Variants in CAMTA1 observed in about 807,000 individuals in gnomAD.
CAMTA1 encodes calmodulin-binding transcription activator 1.
A neutral mutation model predicts 170.9 loss-of-function variants in CAMTA1; 27 were observed. The ratio of observed to expected loss-of-function variants is 0.16; its 90% CI spans 0.12 to 0.22. CAMTA1 has a LOEUF of 0.22. Among genes scored for constraint, CAMTA1 ranks in the 10% least tolerant of loss-of-function variants. The pLI, the probability that CAMTA1 is intolerant of heterozygous loss-of-function variation, is 1.00. For synonymous variants in CAMTA1, 833 were observed against 891.5 expected (o/e 0.93, Z 1.17); for missense variants, 1,619 against 2,217.2 (o/e 0.73, Z 5.42).
chr1:7,480,314 A>AGT (rs1356534835), intron 6 of CAMTA1, among the ~76,000 whole-genome samples: 1 of 27,582 alleles, frequency 3.6e-5, no homozygotes, highest in Non-Finnish European at 6.8e-5. Flanking sequence ...TGCATTTGTA[A>AGT]GTGTGTGTGT....
At chr1:6,921,356 C>A (rs1681966246) in intron 3 of CAMTA1, among the ~76,000 whole-genome samples, 1 of 152,346 alleles carries the variant, frequency 6.6e-6, no homozygotes, top group Admixed American at 6.5e-5. Flanking sequence ...ACCACCTCAA[C>A]CTGGACCTTA....
At chr1:7,051,273 G>C (rs909820319) in intron 3 of CAMTA1, among the ~76,000 whole-genome samples, 1 of 152,188 alleles carries the variant, frequency 6.6e-6, no homozygotes, top group African/African-American at 2.4e-5. Context: ...AGCTGTTTGG[G>C]AGATGGCCAC....
rs60946478 is a variant in CAMTA1 at position 7,480,108 on chromosome 1, C to CGTGTGT, written c.510+12217_510+12222dup. On this transcript the variant is annotated intron_variant, in intron 6 of 22. Transcript: ENST00000303635. ...CCGTGTGTGTGCCTGTGTGTGAGAG[C>CGTGTGT]GTGTGTGTGTGTGTGAGTATGTGTG... 7.6e-3 allele frequency among the ~76,000 whole-genome samples: 1,110 copies of CGTGTGT among 145,300 alleles called. 14 individuals are homozygous for CGTGTGT. Among genetic ancestry groups the CGTGTGT allele is most frequent in the African/African-American group, 0.027 (1,066 of 39,388 alleles).
chr1:7,344,189 G>A (rs915174299), intron 5 of CAMTA1, among the ~76,000 whole-genome samples: 3 of 152,224 alleles, frequency 2.0e-5, no homozygotes, highest in Non-Finnish European at 2.9e-5. Context: ...CCTTGGAGCC[G>A]GCCTGAAGGG....
intron 4 of CAMTA1, chr1:7,219,623 A>G (rs1047802667): frequency 1.4e-5 from 2 of 148,118 alleles, no homozygotes; most frequent in African/African-American, 5.0e-5. Flanking sequence ...TCCAGAATCC[A>G]TGTGCTGAAG....
At chr1:7,165,539 C>G (rs1404373287) in intron 4 of CAMTA1, among the ~76,000 whole-genome samples, 1 of 152,108 alleles carries the variant, frequency 6.6e-6, no homozygotes, top group Non-Finnish European at 1.5e-5. Context: ...TCAAGCAATT[C>G]TCCTGTCTCA....
intron 4 of CAMTA1, among the ~76,000 whole-genome samples, chr1:7,135,326 T>A (rs1223946469): frequency 6.6e-6 from 1 of 152,164 alleles, no homozygotes; most frequent in Non-Finnish European, 1.5e-5. Context: ...AGGCAGAGGT[T>A]GCAGTGAGTT....
At chr1:7,627,277 A>C (rs1221761072) in intron 6 of CAMTA1, among the ~76,000 whole-genome samples, 1 of 152,212 alleles carries the variant, frequency 6.6e-6, no homozygotes, top group Non-Finnish European at 1.5e-5. Context: ...TTTGAAAAGA[A>C]TTTAACTTTA....
At chr1:7,272,547 G>A (rs893355980) in intron 5 of CAMTA1, among the ~76,000 whole-genome samples, 1 of 151,806 alleles carries the variant, frequency 6.6e-6, no homozygotes, top group Non-Finnish European at 1.5e-5. Context: ...AAGAATAGAC[G>A]TATAAATCAA....
At chr1:7,360,875 G>T (rs1468051375) in intron 5 of CAMTA1, among the ~76,000 whole-genome samples, 2 of 152,230 alleles carry the variant, frequency 1.3e-5, no homozygotes, top group African/African-American at 4.8e-5. Context: ...CACAGCAGCT[G>T]GGATGAAGGG....
intron 21 of CAMTA1, among the ~76,000 whole-genome samples, chr1:7,754,899 A>C (rs2096920824): frequency 6.6e-6 from 1 of 152,174 alleles, no homozygotes; most frequent in Non-Finnish European, 1.5e-5. Context: ...TCTATCCTGG[A>C]AGTTTGTTTT....
At chr1:7,203,725 A>G (rs535497125) in intron 4 of CAMTA1, among the ~76,000 whole-genome samples, 1 of 150,234 alleles carries the variant, frequency 6.7e-6, no homozygotes, top group East Asian at 1.9e-4. Flanking sequence ...TTTTGCCTCT[A>G]GTTATTTGAG....
chr1:7,520,479 G>A (rs894510635), intron 6 of CAMTA1, among the ~76,000 whole-genome samples: 6 of 151,050 alleles, frequency 4.0e-5, no homozygotes, highest in South Asian at 2.1e-4. Context: ...AGTCTCAGGC[G>A]CCCATCCATC....
intron 3 of CAMTA1, among the ~76,000 whole-genome samples, chr1:6,929,177 TGTTTC>T (rs1196763704): frequency 3.3e-5 from 5 of 152,192 alleles, no homozygotes; most frequent in African/African-American, 1.2e-4. Flanking sequence ...CTTTTTGTTT[TGTTTC>T]GTTTCGTTTC....
At chr1:6,941,118 G>C (rs531902677) in intron 3 of CAMTA1, among the ~76,000 whole-genome samples, 1 of 152,040 alleles carries the variant, frequency 6.6e-6, no homozygotes, top group East Asian at 1.9e-4. Context: ...ACTGAGGTTC[G>C]CCGACTTCCA....
chr1:7,422,091 G>T (rs1369988174), intron 5 of CAMTA1, among the ~76,000 whole-genome samples: 1 of 152,106 alleles, frequency 6.6e-6, no homozygotes, highest in Non-Finnish European at 1.5e-5. Flanking sequence ...AGAACATAAA[G>T]CAGGGCTGAC....
rs1672333519 is a variant in CAMTA1, at chr1:7,286,268, G to A, written c.438+36642G>A. Among the ~76,000 whole-genome samples, 1 of 152,194 alleles carries A rather than the reference G, an allele frequency of 6.6e-6. No homozygotes were observed. Among genetic ancestry groups the A allele is most frequent in the East Asian group, 1.9e-4 (1 of 5,186 alleles). On this transcript the variant is annotated intron_variant, in intron 5 of 22. Coordinates refer to ENST00000303635, the MANE Select transcript of CAMTA1 (RefSeq NM_015215.4). The surrounding 1 kb of genome is among the most constrained non-coding windows in gnomAD (Gnocchi z 4.2). ...GAGATGGGCATCTGGTGGAGTTGAT[G>A]GCACAGGTGGAGGGGCGGAGGCGCC...
At chr1:7,338,291 A>T (rs1188933396) in intron 5 of CAMTA1, among the ~76,000 whole-genome samples, 1 of 152,124 alleles carries the variant, frequency 6.6e-6, no homozygotes, top group Admixed American at 6.5e-5. Flanking sequence ...CACCAATGAC[A>T]ATGCCACCTA....
At chr1:6,924,143 C>T (rs1432292641) in intron 3 of CAMTA1, among the ~76,000 whole-genome samples, 2 of 152,212 alleles carry the variant, frequency 1.3e-5, no homozygotes, top group African/African-American at 4.8e-5. Context: ...TTATTGAACA[C>T]CTGCCACATG....
Sources: allele counts gnomAD v4.1 joint callset (sites outside exome capture counted in the v4.1 genomes callset), GRCh38; gene constraint gnomAD v4.1.1; non-coding constraint Gnocchi (gnomAD v3.1); transcripts MANE v1.5; gene names NCBI Gene and HGNC (gene_info 2026-07-23, HGNC 2026-07-21).